The following CFAP221 variants were observed in gnomAD, a reference collection of about 807,000 sequenced individuals.
CFAP221 encodes cilia and flagella associated protein 221.
A neutral mutation model predicts 113.1 loss-of-function variants in CFAP221; 97 were observed. The observed-to-expected ratio is 0.86, with a 90% CI of 0.73 to 1.02. The LOEUF is 1.02. Among genes scored for constraint, CFAP221 ranks in the 50% least tolerant of loss-of-function variants. CFAP221 has a pLI of 0.00. For synonymous variants in CFAP221, 331 were observed against 354.4 expected (o/e 0.93, Z 0.74); for missense variants, 1,025 against 1,013.4 (o/e 1.01, Z -0.16).
intron 21 of CFAP221, among the ~76,000 whole-genome samples, chr2:119,644,811 A>G (rs1423322400): frequency 6.6e-6 from 1 of 152,204 alleles, no homozygotes; most frequent in Non-Finnish European, 1.5e-5. Context: ...GTCCATATCC[A>G]TAGAGTTATT....
chr2:119,618,127 T>C (rs1685649779), intron 14 of CFAP221, among the ~76,000 whole-genome samples: 1 of 152,214 alleles, frequency 6.6e-6, no homozygotes, highest in African/African-American at 2.4e-5. Flanking sequence ...TTTTTTCTCT[T>C]GGTATTTATT....
intron 22 of CFAP221, among the ~76,000 whole-genome samples, chr2:119,647,737 A>G (rs1007322832): frequency 1.3e-5 from 2 of 152,154 alleles, no homozygotes; most frequent in Non-Finnish European, 2.9e-5. Flanking sequence ...ATCACCACAT[A>G]ATTTCAGGGA....
intron 3 of CFAP221, among the ~76,000 whole-genome samples, chr2:119,549,792 C>A (rs1177152371): frequency 6.6e-6 from 1 of 152,186 alleles, no homozygotes; most frequent in African/African-American, 2.4e-5. Context: ...GGGTCAGCCC[C>A]ACTGAAGAAC....
At chr2:119,570,622 C>T (rs1442406399) in intron 6 of CFAP221, among the ~76,000 whole-genome samples, 2 of 152,194 alleles carry the variant, frequency 1.3e-5, no homozygotes, top group Non-Finnish European at 2.9e-5. Context: ...AACCATACAA[C>T]ATGAGGTCTA....
intron 16 of CFAP221, among the ~76,000 whole-genome samples, chr2:119,629,038 AAG>A (rs1387796144): frequency 1.3e-5 from 2 of 152,224 alleles, no homozygotes; most frequent in Non-Finnish European, 2.9e-5. Flanking sequence ...GTCTATAAAA[AAG>A]AATGAATTAA....
chr2:119,638,147 C>G, intron 19 of CFAP221, 112 bp from the exon 20 acceptor site: 1 of 1,124,594 alleles, frequency 8.9e-7, no homozygotes, highest in Non-Finnish European at 1.3e-6. Flanking sequence ...GACATGGAGT[C>G]ACAGAGTGTT....
chr2:119,643,101 G>A (rs575581202), intron 21 of CFAP221, among the ~76,000 whole-genome samples: 17 of 152,266 alleles, frequency 1.1e-4, no homozygotes, highest in South Asian at 4.1e-4. Flanking sequence ...TGGGAGTTAT[G>A]TTTCAACGTG....
intron 14 of CFAP221, among the ~76,000 whole-genome samples, chr2:119,622,023 G>T (rs1638622232): frequency 6.6e-6 from 1 of 152,094 alleles, no homozygotes; most frequent in South Asian, 2.1e-4. Flanking sequence ...GATCAGAGCA[G>T]AACTGAAGGA....
Position 119,630,577 on chromosome 2 carries a change from A to C in CFAP221, c.1739A>C (p.Gln580Pro). The C allele has an allele frequency of 6.2e-7, 1 of 1,607,672 alleles. No individual in the cohort carries two copies. Among genetic ancestry groups the C allele is most frequent in the Non-Finnish European group, 8.5e-7 (1 of 1,174,140 alleles). Residue 580 changes from glutamine to proline, a missense_variant, in exon 18 of 24, where the codon CAA becomes CCA. Coordinates refer to ENST00000413369, the MANE Select transcript of CFAP221 (RefSeq NM_001271049.2). Reference protein sequence around the residue: ...SYSFFNLQVPQLYKIKRYQPF... With the variant: ...SYSFFNLQVPPLYKIKRYQPF... The stretch of plus-strand genomic sequence containing the variant: ...ATCTTCTTTCACCTTCAGGTTCCTC[A>C]ACTGTACAAAATTAAGAGATATCAG...
intron 21 of CFAP221, among the ~76,000 whole-genome samples, chr2:119,642,617 C>T (rs1687561860): frequency 1.4e-5 from 2 of 148,034 alleles, no homozygotes; most frequent in African/African-American, 5.0e-5. Context: ...TAGCTCACTG[C>T]AGCTTCAAAC....
chr2:119,629,540 C>T (rs539060712), intron 16 of CFAP221, among the ~76,000 whole-genome samples: 89 of 152,344 alleles, frequency 5.8e-4, no homozygotes, highest in Non-Finnish European at 1.1e-3. Flanking sequence ...GAGGGCTCCC[C>T]TGCCCCCAAG....
intron 7 of CFAP221, among the ~76,000 whole-genome samples, chr2:119,590,882 C>A (rs72963201): frequency 0.16 from 24,382 of 152,086 alleles, 2,176 homozygotes; most frequent in African/African-American, 0.24. Flanking sequence ...ACAAACTGTG[C>A]GGGGTACAGA....
chr2:119,620,624 C>A (rs1685840019), intron 14 of CFAP221, among the ~76,000 whole-genome samples: 1 of 152,084 alleles, frequency 6.6e-6, no homozygotes, highest in Non-Finnish European at 1.5e-5. Context: ...CCGGTAACAG[C>A]CACTGCAAAA....
At chr2:119,584,585 TC>T (rs1683077857) in intron 6 of CFAP221, among the ~76,000 whole-genome samples, 1 of 144,228 alleles carries the variant, frequency 6.9e-6, no homozygotes, top group African/African-American at 2.7e-5. Flanking sequence ...AGACTGTGTC[TC>T]AAAAAAAAAA....
chr2:119,639,438 G>A (rs1405695034), intron 20 of CFAP221, among the ~76,000 whole-genome samples: 1 of 152,202 alleles, frequency 6.6e-6, no homozygotes, highest in African/African-American at 2.4e-5. Context: ...GCTGCTGGAT[G>A]AACTGCCATC....
At chr2:119,546,603 T>C (rs1374391796) in intron 2 of CFAP221, among the ~76,000 whole-genome samples, 35 of 152,190 alleles carry the variant, frequency 2.3e-4, no homozygotes, top group Admixed American at 2.3e-3. Context: ...TCTAAAATCC[T>C]GGCTGGCTTT....
intron 14 of CFAP221, among the ~76,000 whole-genome samples, chr2:119,624,028 T>C (rs1686120435): frequency 1.3e-5 from 2 of 152,172 alleles, no homozygotes; most frequent in Admixed American, 1.3e-4. Flanking sequence ...TGGGACCTAA[T>C]TAAACTAAAG....
intron 14 of CFAP221, among the ~76,000 whole-genome samples, chr2:119,623,712 C>A (rs955677832): frequency 6.6e-5 from 10 of 152,100 alleles, no homozygotes; most frequent in Non-Finnish European, 1.5e-4. Flanking sequence ...GAAATTATGC[C>A]ACACATCTAC....
chr2:119,600,711 C>G (rs1163323567), intron 7 of CFAP221, among the ~76,000 whole-genome samples: 1 of 152,128 alleles, frequency 6.6e-6, no homozygotes, highest in Non-Finnish European at 1.5e-5. Flanking sequence ...CATGAGCCCA[C>G]TTATATTCAG....
Sources: allele counts gnomAD v4.1 joint callset (sites outside exome capture counted in the v4.1 genomes callset), GRCh38; gene constraint gnomAD v4.1.1; transcripts MANE v1.5; gene names NCBI Gene and HGNC (gene_info 2026-07-23, HGNC 2026-07-21).